The following DOP1B variants were observed in gnomAD, a reference collection of about 807,000 sequenced individuals.
The protein encoded by DOP1B is protein DOP1B.
DOP1B carries 174 observed loss-of-function variants against 233.5 expected under a neutral mutation model. That is an observed-to-expected ratio of 0.75 (90% CI 0.66 to 0.85). DOP1B has a LOEUF of 0.85. Among genes scored for constraint, DOP1B ranks in the 40% least tolerant of loss-of-function variants. DOP1B has a pLI of 0.00. For missense variants in DOP1B, 2,652 were observed against 2,846.6 expected (o/e 0.93, Z 1.56); for synonymous variants, 1,190 against 1,185.6 (o/e 1.00, Z -0.08).
intron 2 of DOP1B, among the ~76,000 whole-genome samples, chr21:36,189,407 T>G (rs901217604): frequency 5.3e-5 from 8 of 152,248 alleles, no homozygotes; most frequent in African/African-American, 1.9e-4. Context: ...GTTTAATCAG[T>G]TTCTCCTTTT....
intron 10 of DOP1B, among the ~76,000 whole-genome samples, chr21:36,222,341 G>A (rs768131344): frequency 6.6e-6 from 1 of 151,906 alleles, no homozygotes; most frequent in African/African-American, 2.4e-5. Flanking sequence ...CACTTTGGGA[G>A]GCTGAGGCAG....
chr21:36,233,183 T>C, intron 15 of DOP1B, 108 bp downstream of exon 15: 1 of 1,383,742 alleles, frequency 7.2e-7, no homozygotes, highest in Non-Finnish European at 9.8e-7. Flanking sequence ...CTGAGAGTGA[T>C]ATTCTATAGG....
At chr21:36,255,034 C>G (rs2123616901) in intron 23 of DOP1B, among the ~76,000 whole-genome samples, 1 of 151,362 alleles carries the variant, frequency 6.6e-6, no homozygotes. Flanking sequence ...ATTGCAACCT[C>G]CACCTCCTGG....
intron 2 of DOP1B, among the ~76,000 whole-genome samples, chr21:36,168,472 A>G (rs904474105): frequency 4.6e-5 from 7 of 151,918 alleles, no homozygotes; most frequent in Non-Finnish European, 8.8e-5. Flanking sequence ...ACCATTTTAC[A>G]TATCCACCAA....
intron 2 of DOP1B, among the ~76,000 whole-genome samples, chr21:36,168,012 C>T (rs567230992): frequency 7.4e-5 from 10 of 135,964 alleles, no homozygotes; most frequent in African/African-American, 1.6e-4. Context: ...GGCACAGTCT[C>T]GGCTAACTGC....
At chr21:36,164,240 T>C (rs774539180) in intron 1 of DOP1B, among the ~76,000 whole-genome samples, 5 of 152,294 alleles carry the variant, frequency 3.3e-5, no homozygotes, top group Non-Finnish European at 7.4e-5. Flanking sequence ...GAAGGATCAC[T>C]TGAGCTTAGG....
chr21:36,262,344 C>T (rs762044460), intron 24 of DOP1B, among the ~76,000 whole-genome samples: 13 of 152,198 alleles, frequency 8.5e-5, no homozygotes, highest in Non-Finnish European at 1.6e-4. Context: ...GCCTAGGTCA[C>T]ACAATAGGTA....
intron 2 of DOP1B, among the ~76,000 whole-genome samples, chr21:36,186,190 G>A (rs1270329824): frequency 6.7e-6 from 1 of 150,206 alleles, no homozygotes; most frequent in Non-Finnish European, 1.5e-5. Context: ...GCAACAGAAC[G>A]AGACTTCGTC....
chr21:36,239,166 C>T (rs2066862734), intron 17 of DOP1B, among the ~76,000 whole-genome samples: 1 of 152,152 alleles, frequency 6.6e-6, no homozygotes. Flanking sequence ...TTCCCATAAA[C>T]CCCTAAGTGA....
At chr21:36,180,035 T>C (rs1181887376) in intron 2 of DOP1B, among the ~76,000 whole-genome samples, 1 of 152,108 alleles carries the variant, frequency 6.6e-6, no homozygotes, top group Non-Finnish European at 1.5e-5. Flanking sequence ...TGTCATGTGT[T>C]TATCTAGCAG....
chr21:36,178,802 T>G (rs2066061830), intron 2 of DOP1B, among the ~76,000 whole-genome samples: 1 of 152,254 alleles, frequency 6.6e-6, no homozygotes, highest in South Asian at 2.1e-4. Flanking sequence ...TTAAATTTCT[T>G]TCCAACTTTA....
chr21:36,280,458 C>T (rs1305029554), intron 31 of DOP1B, 112 bp downstream of exon 31: 11 of 685,360 alleles, frequency 1.6e-5, no homozygotes, highest in South Asian at 3.9e-5. Flanking sequence ...GTGCTGTCTA[C>T]GCCACAAAGA....
At chr21:36,259,098 TG>T (rs1245280518) in intron 23 of DOP1B, among the ~76,000 whole-genome samples, 3 of 150,868 alleles carry the variant, frequency 2.0e-5, no homozygotes, top group Non-Finnish European at 4.4e-5. Flanking sequence ...CCCTAGTAGC[TG>T]GGACTACAGT....
chr21:36,263,815 G>A lies in DOP1B; in HGVS notation c.5487+1G>A. On this transcript the variant is annotated splice_donor_variant, in intron 26 of 36. Transcript: ENST00000691173. LOFTEE classifies it high-confidence loss of function. ...CAAGAAGGACCAAAAAGACCTGCAG[G>A]TTTGTATATGAAAGAGGTTCAGCCA... The A allele has an allele frequency of 6.2e-7, 1 of 1,614,164 alleles. No homozygotes were observed. The highest frequency in any genetic ancestry group is 8.5e-7 in the Non-Finnish European group (1 of 1,180,028).
Position 36,200,394 on chromosome 21 carries a change from G to A in DOP1B, c.384G>A (p.Leu128=). The change falls in exon 4 of 37, where the codon CTG becomes CTA. Residue 128 remains leucine, a synonymous_variant. Coordinates refer to ENST00000691173, the MANE Select transcript of DOP1B (RefSeq NM_001320714.2). Reference sequence around the variant, plus strand: ...CGGTGAGGCCGGTGCTGCTCACCCTGTACGAGAAGTACTTCCTCCCACTGC... The same window carrying A: ...CGGTGAGGCCGGTGCTGCTCACCCTATACGAGAAGTACTTCCTCCCACTGC... ...AVSVRPVLLT[L]YEKYFLPLQK... 1 of 1,613,612 alleles carries A rather than the reference G, an allele frequency of 6.2e-7. No homozygotes were observed.
chr21:36,159,746 C>T lies in DOP1B; in HGVS notation c.-27+2803C>T, dbSNP rs115393193. ...ACCTTCTAAATACACACCTTATCGT[C>T]AATACACACCTTATCACAGTTCTCT... On this transcript the variant is annotated intron_variant, in intron 1 of 36. Coordinates refer to ENST00000691173, the MANE Select transcript of DOP1B (RefSeq NM_001320714.2). Among the ~76,000 whole-genome samples the T allele has an allele frequency of 4.8e-3, 733 of 152,306 alleles. 4 individuals are homozygous for T. The highest frequency in any genetic ancestry group is 0.017 in the African/African-American group (698 of 41,556).
chr21:36,185,471 T>C (rs934422356), intron 2 of DOP1B, among the ~76,000 whole-genome samples: 1 of 152,180 alleles, frequency 6.6e-6, no homozygotes, highest in African/African-American at 2.4e-5. Flanking sequence ...CCACCATTGT[T>C]TTTCAAACCT....
At chr21:36,234,728 A>G (rs2066806907) in intron 15 of DOP1B, among the ~76,000 whole-genome samples, 1 of 152,018 alleles carries the variant, frequency 6.6e-6, no homozygotes, top group Admixed American at 6.6e-5. Flanking sequence ...TTTAGTAGAG[A>G]CGGGGTTTTA....
At chr21:36,224,380 A>T (rs145245562) in intron 11 of DOP1B, among the ~76,000 whole-genome samples, 5,434 of 151,970 alleles carry the variant, frequency 0.036, 130 homozygotes, top group Non-Finnish European at 0.051. Context: ...GGGTTTCACC[A>T]TGTTGGCCAG....
Sources: gnomAD v4.1 joint callset for allele counts (sites outside exome capture counted in the v4.1 genomes callset) on GRCh38, gnomAD v4.1.1 for gene constraint, MANE v1.5 for transcripts, NCBI Gene and HGNC (gene_info 2026-07-23, HGNC 2026-07-21) for gene names.